The following EPHA6 variants were observed in gnomAD, a reference collection of about 807,000 sequenced individuals.
EPHA6 encodes EPH receptor A6, also known as ephrin type-A receptor 6.
A neutral mutation model predicts 112.0 loss-of-function variants in EPHA6; 50 were observed. The observed-to-expected ratio is 0.45, with a 90% CI of 0.36 to 0.56. The LOEUF is 0.56. Among genes scored for constraint, EPHA6 ranks in the 20% least tolerant of loss-of-function variants. The pLI, the probability that EPHA6 is intolerant of heterozygous loss-of-function variation, is 0.00. For synonymous variants in EPHA6, 529 were observed against 490.7 expected, an observed-to-expected ratio of 1.08 and a Z score of -1.03; for missense variants, 1,280 against 1,417.4, an observed-to-expected ratio of 0.90 and a Z score of 1.56.
chr3:97,009,059 T>C (rs2043987428), intron 3 of EPHA6, among the ~76,000 whole-genome samples: 1 of 152,080 alleles, frequency 6.6e-6, no homozygotes, highest in African/African-American at 2.4e-5. Context: ...GTAGGATCAC[T>C]CCTGTATAGG....
intron 3 of EPHA6, among the ~76,000 whole-genome samples, chr3:97,021,981 G>A (rs934969438): frequency 1.2e-4 from 19 of 152,116 alleles, no homozygotes; most frequent in Non-Finnish European, 2.9e-5. Flanking sequence ...AACTCTACAG[G>A]ACATGTCTGA....
intron 3 of EPHA6, among the ~76,000 whole-genome samples, chr3:97,023,316 T>A (rs2044526333): frequency 6.6e-6 from 1 of 152,142 alleles, no homozygotes; most frequent in Non-Finnish European, 1.5e-5. Flanking sequence ...CCTGACCTCA[T>A]GATCTGCCTG....
Position 97,111,630 on chromosome 3 carries a change from A to G in EPHA6, c.1115-114634A>G, listed in dbSNP as rs544313716. Among the ~76,000 whole-genome samples the G allele has an allele frequency of 3.9e-5, 6 of 152,252 alleles. No individual in the cohort carries two copies. The East Asian group carries it at 7.7e-4, about 20-fold the overall frequency. On this transcript the variant is annotated intron_variant, in intron 3 of 17. Coordinates refer to ENST00000389672, the MANE Select transcript of EPHA6 (RefSeq NM_001080448.3). ...ATGCACACTGAAAGCCCTTATTTATATTATTGTAACATATTTTCTCACAAT... is the reference window on the plus strand; with the variant it reads ...ATGCACACTGAAAGCCCTTATTTATGTTATTGTAACATATTTTCTCACAAT...
intron 3 of EPHA6, among the ~76,000 whole-genome samples, chr3:97,136,655 G>A (rs1576551262): frequency 6.6e-6 from 1 of 152,160 alleles, no homozygotes; most frequent in South Asian, 2.1e-4. Context: ...GTTGAGCCTA[G>A]GAGATGGAGG....
intron 3 of EPHA6, among the ~76,000 whole-genome samples, chr3:97,195,831 T>C (rs770482374): frequency 6.6e-6 from 1 of 152,122 alleles, no homozygotes; most frequent in Non-Finnish European, 1.5e-5. Context: ...CCTGTAAAGT[T>C]TCCACTGGCA....
chr3:97,554,019 C>A (rs1025337416), intron 11 of EPHA6, among the ~76,000 whole-genome samples: 2 of 152,040 alleles, frequency 1.3e-5, no homozygotes, highest in Non-Finnish European at 2.9e-5. Context: ...GGGAAAAAGT[C>A]AAATATTTTA....
At chr3:96,928,844 A>C (rs751782933) in intron 2 of EPHA6, among the ~76,000 whole-genome samples, 9 of 152,098 alleles carry the variant, frequency 5.9e-5, no homozygotes, top group Non-Finnish European at 1.2e-4. Context: ...AGCATTTCTT[A>C]TTGGATTGAA....
chr3:97,279,279 A>G (rs899168033), intron 5 of EPHA6, among the ~76,000 whole-genome samples: 1 of 152,162 alleles, frequency 6.6e-6, no homozygotes, highest in Non-Finnish European at 1.5e-5. Flanking sequence ...TAGATTTATT[A>G]ATAGTGTTCT....
intron 14 of EPHA6, among the ~76,000 whole-genome samples, chr3:97,710,789 C>T (rs1224266193): frequency 6.6e-6 from 1 of 152,210 alleles, no homozygotes; most frequent in Non-Finnish European, 1.5e-5. Flanking sequence ...CCAAAACAAG[C>T]ACCCCAGGAT....
At chr3:97,738,825 A>G (rs1290446734) in intron 16 of EPHA6, among the ~76,000 whole-genome samples, 1 of 152,142 alleles carries the variant, frequency 6.6e-6, no homozygotes, top group Non-Finnish European at 1.5e-5. Flanking sequence ...ACAAAGACAT[A>G]TGTGATACTG....
intron 3 of EPHA6, among the ~76,000 whole-genome samples, chr3:97,045,596 A>G (rs2045477196): frequency 6.6e-6 from 1 of 152,050 alleles, no homozygotes; most frequent in Admixed American, 6.6e-5. Flanking sequence ...AAAAGAAATC[A>G]TCATAAGTTA....
intron 11 of EPHA6, among the ~76,000 whole-genome samples, chr3:97,557,718 A>G (rs1301891352): frequency 1.3e-5 from 2 of 151,732 alleles, no homozygotes; most frequent in East Asian, 1.9e-4. Flanking sequence ...TGCATGCTAG[A>G]TATGCTGAAT....
rs558881268 is a variant in EPHA6, at chr3:97,332,352, C to T, written c.1607-72798C>T. Among the ~76,000 whole-genome samples, 443 of 152,030 alleles carry T rather than the reference C, an allele frequency of 2.9e-3. 2 individuals are homozygous for T. Among genetic ancestry groups the T allele is most frequent in the African/African-American group, 9.9e-3 (412 of 41,488 alleles). The stretch of plus-strand genomic sequence containing the variant: ...ATTCCCTTTGAAAACTGGCACAAGA[C>T]AGGGATGCCCTCTCTCACCACTCCT... On this transcript the variant is annotated intron_variant, in intron 5 of 17. Coordinates refer to ENST00000389672, the MANE Select transcript of EPHA6 (RefSeq NM_001080448.3).
intron 11 of EPHA6, among the ~76,000 whole-genome samples, chr3:97,545,471 T>A (rs527719867): frequency 3.0e-4 from 45 of 152,242 alleles, no homozygotes; most frequent in African/African-American, 1.0e-3. Flanking sequence ...TGCTGAGGAG[T>A]GCTTTACTTC....
intron 5 of EPHA6, among the ~76,000 whole-genome samples, chr3:97,333,311 C>T (rs1401818053): frequency 1.3e-5 from 2 of 151,904 alleles, no homozygotes; most frequent in Admixed American, 6.6e-5. Context: ...ATGTGTTGAT[C>T]GTGTATCCTA....
intron 14 of EPHA6, among the ~76,000 whole-genome samples, chr3:97,696,014 A>G (rs1180666589): frequency 7.9e-5 from 12 of 152,242 alleles, no homozygotes; most frequent in Admixed American, 7.8e-4. Context: ...CTGAAAAGAT[A>G]TTTACCAAGT....
chr3:96,826,136 G>A (rs559326128), intron 1 of EPHA6, among the ~76,000 whole-genome samples: 194 of 151,654 alleles, frequency 1.3e-3, no homozygotes, highest in Non-Finnish European at 1.0e-3. Flanking sequence ...GTTATTTATT[G>A]CTGTCATAAA....
chr3:96,882,910 G>T (rs1401791444), intron 2 of EPHA6, among the ~76,000 whole-genome samples: 1 of 152,084 alleles, frequency 6.6e-6, no homozygotes, highest in Non-Finnish European at 1.5e-5. Flanking sequence ...TATGTTTTTT[G>T]AATAATGACT....
At chr3:97,666,852 G>A (rs1430870603) in intron 14 of EPHA6, among the ~76,000 whole-genome samples, 1 of 152,172 alleles carries the variant, frequency 6.6e-6, no homozygotes, top group African/African-American at 2.4e-5. Flanking sequence ...GCCCTCTGGA[G>A]AAGAGGCTTT....
Sources: gnomAD v4.1 joint callset for allele counts (sites outside exome capture counted in the v4.1 genomes callset) on GRCh38, gnomAD v4.1.1 for gene constraint, MANE v1.5 for transcripts, NCBI Gene and HGNC (gene_info 2026-07-23, HGNC 2026-07-21) for gene names.